The following PLLP variants were observed in gnomAD, a reference collection of about 807,000 sequenced individuals.
PLLP encodes the protein plasma membrane proteolipid (plasmolipin).
PLLP carries 15 observed loss-of-function variants against 19.7 expected under a neutral mutation model. The ratio of observed to expected loss-of-function variants is 0.76; its 90% CI spans 0.51 to 1.17. The LOEUF is 1.17. PLLP is among the 50% of genes most tolerant of loss of function. The probability of loss-of-function intolerance (pLI) is 0.00; values close to 1 mark genes in which losing one functional copy is unlikely to be tolerated. For synonymous variants in PLLP, 111 were observed against 116.3 expected (o/e 0.95, Z 0.29); for missense variants, 255 against 258.3 (o/e 0.99, Z 0.09).
chr16:57,259,287 G>C (rs1192016977), intron 2 of PLLP, among the ~76,000 whole-genome samples: 1 of 152,252 alleles, frequency 6.6e-6, no homozygotes, highest in African/African-American at 2.4e-5. Flanking sequence ...CCAGGGCCAA[G>C]CCCAGGCCAT....
rs1244980756 is a variant in PLLP, at chr16:57,261,935, G to A, written c.271C>T (p.Leu91=). 1 of 1,614,120 alleles carries A rather than the reference G, an allele frequency of 6.2e-7. No homozygotes were observed. The highest frequency in any genetic ancestry group is 2.2e-5 in the East Asian group (1 of 44,888). ...GGAACCATGTACAACTTCATGTGCA[G>A]CTGAAACAGGTAGAGGTTGAAGAGG... is the stretch of plus-strand genomic sequence containing the variant. The part of the protein sequence containing the change: ...IVLFNLYLFQ[L]HMKLYMVPWP... The change falls in exon 2 of 4, where the codon CTG becomes TTG. Residue 91 remains leucine (L), a synonymous_variant. Coordinates refer to ENST00000219207, the MANE Select transcript of PLLP (RefSeq NM_015993.3).
chr16:57,284,440 C>T lies in PLLP; in HGVS notation c.101G>A (p.Arg34His). 1 of 1,401,214 alleles carries T rather than the reference C, an allele frequency of 7.1e-7. No individual in the cohort carries two copies. Among genetic ancestry groups the T allele is most frequent in the African/African-American group, 1.5e-5 (1 of 66,898 alleles). The allele number at this position is 1,401,214 out of a possible 1,614,324, so 86.8% of individuals were successfully genotyped here. Residue 34 changes from arginine (R) to histidine (H), a missense_variant, in exon 1 of 4, where the codon CGC (arginine) becomes CAC (histidine). Physicochemically the swap from Arg to His is conservative, Grantham distance 29. Transcript: ENST00000219207. ...SALRPDLGFV[R>H]SRLGALMLLQ... ...CAGCATGAGCGCCCCGAGGCGGGAGCGCACGAAGCCCAGGTCCGGGCGCAG... is the reference window on the plus strand; with the variant it reads ...CAGCATGAGCGCCCCGAGGCGGGAGTGCACGAAGCCCAGGTCCGGGCGCAG...
At chr16:57,281,924 C>T (rs1380246502) in intron 1 of PLLP, among the ~76,000 whole-genome samples, 2 of 152,202 alleles carry the variant, frequency 1.3e-5, no homozygotes, top group Non-Finnish European at 2.9e-5. Context: ...AGCCCACTTC[C>T]CTCACACCCA....
chr16:57,270,750 T>C (rs534034849), intron 1 of PLLP, among the ~76,000 whole-genome samples: 28 of 152,074 alleles, frequency 1.8e-4, no homozygotes, highest in Non-Finnish European at 3.4e-4. Context: ...TCCCATGCCA[T>C]GCATTCCAGC....
intron 1 of PLLP, among the ~76,000 whole-genome samples, chr16:57,283,064 C>A (rs7196998): frequency 0.29 from 43,440 of 151,966 alleles, 6,563 homozygotes; most frequent in East Asian, 0.44. Context: ...AACTAGACCT[C>A]TTCCCTCAGA....
At chr16:57,277,907 C>T (rs1462839974) in intron 1 of PLLP, among the ~76,000 whole-genome samples, 4 of 152,274 alleles carry the variant, frequency 2.6e-5, no homozygotes, top group African/African-American at 9.6e-5. Flanking sequence ...TATTTGAGTG[C>T]TTTGTATTAT....
rs1210693334 is a variant in PLLP at position 57,267,888 on chromosome 16, A to G, written c.136-5818T>C. On this transcript the variant is annotated intron_variant, in intron 1 of 3. Coordinates refer to ENST00000219207, the MANE Select transcript of PLLP (RefSeq NM_015993.3). ...GAAACTCCGTCTCAAAAAAAAAAAA[A>G]AAAGAAAGAAAGAAAGAAAAGAAAA... is the stretch of plus-strand genomic sequence containing the variant. Among the ~76,000 whole-genome samples, 20 of 151,416 alleles carry G rather than the reference A, an allele frequency of 1.3e-4. No homozygotes were observed. In the South Asian group the frequency reaches 2.1e-3, roughly 16 times the overall value.
intron 1 of PLLP, among the ~76,000 whole-genome samples, chr16:57,264,563 G>A (rs2075451242): frequency 6.6e-6 from 1 of 152,254 alleles, no homozygotes; most frequent in Admixed American, 6.5e-5. Context: ...GAAGCAGTGG[G>A]GCTGGGCGTG....
At chr16:57,264,732 C>G (rs2075451919) in intron 1 of PLLP, among the ~76,000 whole-genome samples, 2 of 152,078 alleles carry the variant, frequency 1.3e-5, no homozygotes, top group South Asian at 4.1e-4. Flanking sequence ...ACCTGTGGTC[C>G]CAGCTACTTG....
chr16:57,263,296 T>A (rs2075447472), intron 1 of PLLP: 2 of 152,256 alleles, frequency 1.3e-5, no homozygotes, highest in Admixed American at 1.3e-4. Context: ...CACGGCAGGA[T>A]GGGCCTGACC....
chr16:57,267,377 G>A (rs1440925720), intron 1 of PLLP, among the ~76,000 whole-genome samples: 1 of 151,984 alleles, frequency 6.6e-6, no homozygotes, highest in Non-Finnish European at 1.5e-5. Flanking sequence ...AGACCAGCTT[G>A]GCCAATATGG....
At chr16:57,273,154 G>T (rs1257071668) in intron 1 of PLLP, among the ~76,000 whole-genome samples, 1 of 151,978 alleles carries the variant, frequency 6.6e-6, no homozygotes, top group East Asian at 1.9e-4. Flanking sequence ...CAGCTACTGG[G>T]GAGGCTGAGG....
At chr16:57,272,918 C>T (rs1901094693) in intron 1 of PLLP, among the ~76,000 whole-genome samples, 1 of 151,806 alleles carries the variant, frequency 6.6e-6, no homozygotes, top group Admixed American at 6.6e-5. Context: ...GATCACACTA[C>T]TGCACTCCAG....
chr16:57,277,992 G>A (rs76920892), intron 1 of PLLP, among the ~76,000 whole-genome samples: 2,054 of 152,136 alleles, frequency 0.014, 102 homozygotes, highest in Admixed American at 0.099. Flanking sequence ...AGAGGCTGCC[G>A]GGACACTACG....
chr16:57,277,806 C>T (rs571023840), intron 1 of PLLP, among the ~76,000 whole-genome samples: 21 of 152,252 alleles, frequency 1.4e-4, no homozygotes, highest in African/African-American at 4.8e-4. Flanking sequence ...GAATGAGACA[C>T]AAGGCATGTG....
intron 1 of PLLP, among the ~76,000 whole-genome samples, chr16:57,265,608 G>A (rs2075454536): frequency 6.6e-6 from 1 of 152,128 alleles, no homozygotes; most frequent in African/African-American, 2.4e-5. Context: ...ATGCCTTCTC[G>A]CTCTGTGCCA....
chr16:57,267,968 G>C (rs1234153708), intron 1 of PLLP, among the ~76,000 whole-genome samples: 5 of 152,072 alleles, frequency 3.3e-5, no homozygotes, highest in African/African-American at 1.2e-4. Context: ...TGGATTGGGG[G>C]CATCTCTAAT....
intron 1 of PLLP, among the ~76,000 whole-genome samples, chr16:57,283,767 C>G (rs1408623792): frequency 6.6e-6 from 1 of 152,196 alleles, no homozygotes; most frequent in East Asian, 1.9e-4. Context: ...CTGGCTAAAC[C>G]GGCTGAAACC....
chr16:57,259,047 G>A (rs1442424129), intron 2 of PLLP, among the ~76,000 whole-genome samples: 1 of 152,012 alleles, frequency 6.6e-6, no homozygotes, highest in Non-Finnish European at 1.5e-5. Context: ...CACCAACAGG[G>A]CCTCAAGAGG....
Sources: allele counts gnomAD v4.1 joint callset (sites outside exome capture counted in the v4.1 genomes callset), GRCh38; gene constraint gnomAD v4.1.1; transcripts MANE v1.5; gene names NCBI Gene and HGNC (gene_info 2026-07-23, HGNC 2026-07-21).